The following GRID2 variants were observed in gnomAD, a reference collection of about 807,000 sequenced individuals.
The protein encoded by GRID2 is glutamate ionotropic receptor delta type subunit 2.
A neutral mutation model predicts 114.8 loss-of-function variants in GRID2; 33 were observed. That is an observed-to-expected ratio of 0.29 (90% confidence interval 0.22 to 0.38). The LOEUF is 0.38. Among genes scored for constraint, GRID2 ranks in the 10% least tolerant of loss-of-function variants. The pLI is 1.00. For missense variants in GRID2, 1,184 were observed against 1,257.7 expected (o/e 0.94, Z 0.89); for synonymous variants, 505 against 449.9 (o/e 1.12, Z -1.55).
At chr4:92,882,375 A>T (rs1746090702) in intron 2 of GRID2, among the ~76,000 whole-genome samples, 1 of 152,236 alleles carries the variant, frequency 6.6e-6, no homozygotes, top group African/African-American at 2.4e-5. Flanking sequence ...TTGTACAGAA[A>T]GCATATTTTA....
At chr4:92,603,221 A>T (rs966744117) in intron 2 of GRID2, among the ~76,000 whole-genome samples, 6 of 152,170 alleles carry the variant, frequency 3.9e-5, no homozygotes, top group African/African-American at 7.2e-5. Context: ...TATGGAACCA[A>T]AAAAGAGCCT....
intron 2 of GRID2, among the ~76,000 whole-genome samples, chr4:93,017,641 A>C (rs1722877639): frequency 6.6e-6 from 1 of 151,740 alleles, no homozygotes; most frequent in Non-Finnish European, 1.5e-5. Context: ...CCCTGTGTCT[A>C]CTAGAAATAC....
At chr4:92,424,742 A>C (rs1414664748) in intron 1 of GRID2, among the ~76,000 whole-genome samples, 3 of 151,400 alleles carry the variant, frequency 2.0e-5, no homozygotes, top group African/African-American at 7.3e-5. Flanking sequence ...AAAAAAAAAA[A>C]CCACAAGGAC....
At chr4:93,366,706 C>T (rs1335523058) in intron 8 of GRID2, among the ~76,000 whole-genome samples, 1 of 152,004 alleles carries the variant, frequency 6.6e-6, no homozygotes, top group African/African-American at 2.4e-5. Context: ...ATCATAGAAC[C>T]TACCGACATG....
chr4:92,409,860 C>CTGGT (rs1731212125), intron 1 of GRID2, among the ~76,000 whole-genome samples: 1 of 152,056 alleles, frequency 6.6e-6, no homozygotes. Context: ...ACAGACTGTG[C>CTGGT]TGGTCTTTTT....
chr4:93,595,052 T>G (rs879598762), intron 13 of GRID2, among the ~76,000 whole-genome samples: 8 of 152,150 alleles, frequency 5.3e-5, no homozygotes, highest in Admixed American at 5.2e-4. Flanking sequence ...CCAGAGCTGT[T>G]CCTATTCAGC....
At chr4:92,513,402 T>C (rs1316577294) in intron 1 of GRID2, among the ~76,000 whole-genome samples, 2 of 151,788 alleles carry the variant, frequency 1.3e-5, no homozygotes, top group African/African-American at 4.8e-5. Flanking sequence ...CAGGAGAAAG[T>C]TTGAGTTCCT....
intron 1 of GRID2, among the ~76,000 whole-genome samples, chr4:92,405,088 A>C (rs1288130608): frequency 6.6e-6 from 1 of 152,192 alleles, no homozygotes; most frequent in East Asian, 1.9e-4. Flanking sequence ...CATATCAGAT[A>C]TATGGTTGTG....
At chr4:93,682,140 C>T (rs1725620658) in intron 14 of GRID2, among the ~76,000 whole-genome samples, 1 of 151,116 alleles carries the variant, frequency 6.6e-6, no homozygotes, top group Non-Finnish European at 1.5e-5. Context: ...AGACACTTCT[C>T]AAAAGAAGAC....
At chr4:93,713,332 A>G (rs1728641664) in intron 14 of GRID2, among the ~76,000 whole-genome samples, 1 of 152,070 alleles carries the variant, frequency 6.6e-6, no homozygotes, top group South Asian at 2.1e-4. Context: ...TTATCCTGAC[A>G]GTTTGTTTGT....
At chr4:93,737,717 G>A (rs1731046918) in intron 14 of GRID2, among the ~76,000 whole-genome samples, 4 of 151,998 alleles carry the variant, frequency 2.6e-5, no homozygotes, top group Admixed American at 2.0e-4. Flanking sequence ...CATCTCTCAA[G>A]AAAATTGAGT....
intron 2 of GRID2, among the ~76,000 whole-genome samples, chr4:92,651,190 A>G (rs1249675524): frequency 1.3e-5 from 2 of 152,118 alleles, no homozygotes; most frequent in East Asian, 1.9e-4. Context: ...GTCTATTGCA[A>G]TAAAGATAAA....
At position 93,015,862 on chromosome 4, in the gene GRID2, A is replaced by AC. The variant is rs1262476908; in HGVS notation, c.245-69127dup. 7.9e-5 allele frequency among the ~76,000 whole-genome samples: 12 copies of AC among 152,010 alleles called. 1 individual carries two copies. Among genetic ancestry groups the AC allele is most frequent in the Admixed American group, 7.2e-4 (11 of 15,236 alleles). ...TGTTTCTTATAGCAGGCAAACCTCAACCCCCCAAACAAAACAAAACAATTT... is the reference window on the plus strand; with the variant it reads ...TGTTTCTTATAGCAGGCAAACCTCAACCCCCCCAAACAAAACAAAACAATTT... On this transcript the variant is annotated intron_variant, in intron 2 of 15. Transcript: ENST00000282020.
chr4:92,878,488 G>A (rs141049327), intron 2 of GRID2, among the ~76,000 whole-genome samples: 1 of 152,246 alleles, frequency 6.6e-6, no homozygotes, highest in African/African-American at 2.4e-5. Context: ...GGGGAGAAAA[G>A]AGAGAGTACC....
intron 1 of GRID2, among the ~76,000 whole-genome samples, chr4:92,492,474 C>A (rs1472979037): frequency 6.6e-6 from 1 of 152,150 alleles, no homozygotes; most frequent in Non-Finnish European, 1.5e-5. Context: ...TGAGTTAGAG[C>A]AAGGATTATT....
At chr4:92,922,359 C>T (rs1749431614) in intron 2 of GRID2, among the ~76,000 whole-genome samples, 1 of 152,062 alleles carries the variant, frequency 6.6e-6, no homozygotes, top group Non-Finnish European at 1.5e-5. Context: ...TGTCCTGCAC[C>T]CACTGTCCGA....
rs566460314 is a variant in GRID2 at position 92,908,353 on chromosome 4, T to C, written c.245-176642T>C. Among the ~76,000 whole-genome samples, 9 of 152,290 alleles carry C rather than the reference T, an allele frequency of 5.9e-5. No homozygotes were observed. The East Asian group carries it at 7.7e-4, about 13-fold the overall frequency. ...TGAGTACACATTATGAGTAACATTA[T>C]GGTAACTGCTGAAATATAGAAGTAA... On this transcript the variant is annotated intron_variant, in intron 2 of 15. Transcript: ENST00000282020.
At chr4:93,462,938 A>G (rs1723890312) in intron 11 of GRID2, among the ~76,000 whole-genome samples, 1 of 152,298 alleles carries the variant, frequency 6.6e-6, no homozygotes, top group African/African-American at 2.4e-5. Context: ...ATTCCCCATG[A>G]CAGGTTAACT....
chr4:92,946,138 C>A lies in GRID2; in HGVS notation c.245-138857C>A, dbSNP rs904942188. Reference sequence around the variant, plus strand: ...GTCCATATTCTTCAACCGCTGTTTCCTTAAAATGATTCATTGACACAAAAA... The same window carrying A: ...GTCCATATTCTTCAACCGCTGTTTCATTAAAATGATTCATTGACACAAAAA... On this transcript the variant is annotated intron_variant, in intron 2 of 15. Transcript: ENST00000282020. Among the ~76,000 whole-genome samples the A allele has an allele frequency of 2.6e-5, 4 of 152,052 alleles. No individual in the cohort carries two copies. In the South Asian group the frequency reaches 8.3e-4, roughly 32 times the overall value.
Sources: allele counts gnomAD v4.1 joint callset (sites outside exome capture counted in the v4.1 genomes callset), GRCh38; gene constraint gnomAD v4.1.1; transcripts MANE v1.5; gene names NCBI Gene and HGNC (gene_info 2026-07-23, HGNC 2026-07-21).